PCDH15: variants seen among roughly 807,000 people sequenced by gnomAD.
The protein encoded by PCDH15 is protocadherin related 15, also known as protocadherin-15.
A neutral mutation model predicts 178.5 loss-of-function variants in PCDH15; 129 were observed. The ratio of observed to expected loss-of-function variants is 0.72; its 90% confidence interval spans 0.63 to 0.84. PCDH15 has a LOEUF of 0.84. Among genes scored for constraint, PCDH15 ranks in the 40% least tolerant of loss-of-function variants. PCDH15 has a pLI of 0.00. For missense variants in PCDH15, 2,230 were observed against 2,099.9 expected (o/e 1.06, Z -1.21); for synonymous variants, 800 against 732.0 (o/e 1.09, Z -1.50).
chr10:55,487,680 C>T (rs968975982), intron 2 of PCDH15, among the ~76,000 whole-genome samples: 2 of 151,528 alleles, frequency 1.3e-5, no homozygotes, highest in East Asian at 1.9e-4. Flanking sequence ...CAATAACATG[C>T]AATATTTAAT....
At chr10:55,547,910 T>TGTGAGAGAGAGAGAGAGAGAGAGAGA (rs541144266) in intron 2 of PCDH15, among the ~76,000 whole-genome samples, 1 of 54,526 alleles carries the variant, frequency 1.8e-5, no homozygotes, top group African/African-American at 8.1e-5. Context: ...TGTGTGTGTG[T>TGTGAGAGAGAGAGAGAGAGAGAGAGA]GAGAGAGAGA....
At chr10:54,203,552 A>G (rs965368589) in intron 10 of PCDH15, among the ~76,000 whole-genome samples, 1 of 152,194 alleles carries the variant, frequency 6.6e-6, no homozygotes, top group African/African-American at 2.4e-5. Context: ...AGACAAACGC[A>G]TATAGAATGT....
At chr10:54,228,269 C>T (rs1296758875) in intron 9 of PCDH15, among the ~76,000 whole-genome samples, 3 of 151,992 alleles carry the variant, frequency 2.0e-5, no homozygotes, top group African/African-American at 7.3e-5. Context: ...TGGTGGAAGG[C>T]AAGGAGGAGC....
chr10:55,047,409 C>A (rs1473735039), intron 2 of PCDH15, among the ~76,000 whole-genome samples: 1 of 240 alleles, frequency 4.2e-3, no homozygotes. Flanking sequence ...GTAAAGACTT[C>A]AATCTCATTC....
chr10:55,179,455 G>A (rs12249233), intron 1 of PCDH15, among the ~76,000 whole-genome samples: 71,738 of 151,566 alleles, frequency 0.47, 17,271 homozygotes, highest in East Asian at 0.68. Context: ...TTCTGTCCCC[G>A]GTTTACCCAC....
intron 18 of PCDH15, among the ~76,000 whole-genome samples, chr10:54,064,115 C>T (rs1269331383): frequency 2.6e-5 from 4 of 152,192 alleles, no homozygotes; most frequent in Admixed American, 6.5e-5. Context: ...TACAGAACAG[C>T]TCTCAAGAGA....
At chr10:54,336,455 G>T (rs1941158718) in intron 6 of PCDH15, among the ~76,000 whole-genome samples, 1 of 152,120 alleles carries the variant, frequency 6.6e-6, no homozygotes, top group Non-Finnish European at 1.5e-5. Context: ...CCCTTTCCGT[G>T]TGCAGCCTAG....
chr10:55,556,694 T>G (rs571556813), intron 2 of PCDH15, among the ~76,000 whole-genome samples: 2 of 152,062 alleles, frequency 1.3e-5, no homozygotes, highest in Admixed American at 6.6e-5. Flanking sequence ...CAAAAATTAT[T>G]TGGATGTGGT....
chr10:54,215,877 T>C (rs1006556449), intron 9 of PCDH15, among the ~76,000 whole-genome samples: 1 of 149,716 alleles, frequency 6.7e-6, no homozygotes, highest in Non-Finnish European at 1.5e-5. Context: ...CCGCCTCTAC[T>C]AAAAAAAATA....
intron 9 of PCDH15, among the ~76,000 whole-genome samples, chr10:54,222,022 C>A (rs1591266758): frequency 6.6e-6 from 1 of 152,172 alleles, no homozygotes; most frequent in Non-Finnish European, 1.5e-5. Context: ...AGGTGTTATT[C>A]TATTGTATGG....
chr10:55,521,973 G>A (rs1841186648), intron 2 of PCDH15, among the ~76,000 whole-genome samples: 1 of 151,818 alleles, frequency 6.6e-6, no homozygotes, highest in Admixed American at 6.6e-5. Context: ...TTCAAGTATA[G>A]TCTCTACTGA....
At chr10:55,541,987 T>A (rs79980122) in intron 2 of PCDH15, among the ~76,000 whole-genome samples, 1 of 151,806 alleles carries the variant, frequency 6.6e-6, no homozygotes, top group African/African-American at 2.4e-5. Context: ...AAGAATACAA[T>A]ATATAAACCT....
intron 2 of PCDH15, among the ~76,000 whole-genome samples, chr10:55,417,041 C>T (rs1050120923): frequency 6.6e-6 from 1 of 151,650 alleles, no homozygotes; most frequent in Non-Finnish European, 1.5e-5. Flanking sequence ...TCATGCTGAG[C>T]TTTTGTATGG....
chr10:54,694,564 C>T (rs891464023), intron 1 of PCDH15, among the ~76,000 whole-genome samples: 2 of 152,014 alleles, frequency 1.3e-5, no homozygotes, highest in Admixed American at 1.3e-4. Context: ...CACTTCATGT[C>T]TCTGTGTCTA....
chr10:54,021,710 T>C (rs1418153184), intron 19 of PCDH15, among the ~76,000 whole-genome samples: 1 of 151,898 alleles, frequency 6.6e-6, no homozygotes, highest in African/African-American at 2.4e-5. Flanking sequence ...CCACCTCTAT[T>C]ACCTAGGCCC....
chr10:54,613,957 T>C (rs2093048819), intron 2 of PCDH15, among the ~76,000 whole-genome samples: 2 of 151,984 alleles, frequency 1.3e-5, no homozygotes, highest in Non-Finnish European at 2.9e-5. Context: ...TTTAAAATTA[T>C]ATAGTTTTCC....
chr10:54,853,734 G>A (rs1157367037), intron 3 of PCDH15, among the ~76,000 whole-genome samples: 1 of 151,990 alleles, frequency 6.6e-6, no homozygotes, highest in Non-Finnish European at 1.5e-5. Context: ...TAATGGGTAT[G>A]ATGTGTAATA....
At chr10:55,588,227 C>A (rs1342272358) in intron 2 of PCDH15, among the ~76,000 whole-genome samples, 1 of 152,104 alleles carries the variant, frequency 6.6e-6, no homozygotes, top group Non-Finnish European at 1.5e-5. Flanking sequence ...ATGGCAAAGA[C>A]AGCAATAAGG....
intron 1 of PCDH15, among the ~76,000 whole-genome samples, chr10:54,677,544 A>T (rs2094813654): frequency 6.6e-6 from 1 of 152,212 alleles, no homozygotes; most frequent in Middle Eastern, 3.4e-3. Context: ...TCAGGAAGGG[A>T]TCATAAATGC....
Sources: gnomAD v4.1 joint callset for allele counts (sites outside exome capture counted in the v4.1 genomes callset) on GRCh38, gnomAD v4.1.1 for gene constraint, MANE v1.5 for transcripts, NCBI Gene and HGNC (gene_info 2026-07-23, HGNC 2026-07-21) for gene names.